Variants in PLEKHH2 observed in about 807,000 individuals in gnomAD.
The protein encoded by PLEKHH2 is pleckstrin homology, MyTH4 and FERM domain containing H2.
A neutral mutation model predicts 187.9 loss-of-function variants in PLEKHH2; 129 were observed. That is an observed-to-expected ratio of 0.69 (90% CI 0.59 to 0.79). The LOEUF (loss-of-function observed/expected upper bound fraction) is 0.79. Ranked by LOEUF, PLEKHH2 falls within the 30% of genes least tolerant of loss-of-function variation. PLEKHH2 has a pLI of 0.00. For missense variants in PLEKHH2, 2,076 were observed against 1,751.2 expected, an observed-to-expected ratio of 1.19 and a Z score of -3.31; for synonymous variants, 686 against 605.6, an observed-to-expected ratio of 1.13 and a Z score of -1.95.
At chr2:43,716,627 AAC>A (rs1670223426) in intron 15 of PLEKHH2, among the ~76,000 whole-genome samples, 1 of 152,200 alleles carries the variant, frequency 6.6e-6, no homozygotes, top group Admixed American at 6.5e-5. Flanking sequence ...GGTTTTTTCT[AAC>A]AGTTTATTAT....
intron 16 of PLEKHH2, among the ~76,000 whole-genome samples, chr2:43,722,097 A>C (rs1202294045): frequency 6.6e-6 from 1 of 151,796 alleles, no homozygotes; most frequent in Non-Finnish European, 1.5e-5. Flanking sequence ...ACTAAAAAAA[A>C]AAAAAAAAAT....
In PLEKHH2 at chr2:43,710,107, C is replaced by G. The variant is rs1416043811; in HGVS notation, c.2084C>G (p.Ser695Cys). ...EQKLPKTCSS[S>C]SDNGKNEPLE... is the part of the protein sequence containing the mutation. Reference sequence around the variant, plus strand: ...AAGCTCCCAAAAACTTGCTCATCTTCCAGTGATAATGGGAAAAATGTAAAT... The same window carrying G: ...AAGCTCCCAAAAACTTGCTCATCTTGCAGTGATAATGGGAAAAATGTAAAT... Residue 695 changes from serine (S) to cysteine (C), a missense_variant, in exon 12 of 30, where the codon TCC (serine) becomes TGC (cysteine). Physicochemically the swap from Ser to Cys is moderately radical, Grantham distance 112. Transcript: ENST00000282406. 3.7e-6 allele frequency: 6 copies of G among 1,612,936 alleles called. No homozygotes were observed. The highest frequency in any genetic ancestry group is 4.2e-6 in the Non-Finnish European group (5 of 1,179,694).
chr2:43,733,178 C>G (rs1572636294), intron 19 of PLEKHH2, among the ~76,000 whole-genome samples: 1 of 151,958 alleles, frequency 6.6e-6, no homozygotes, highest in Non-Finnish European at 1.5e-5. Flanking sequence ...CTGGCTAACA[C>G]CATGAAACCC....
At chr2:43,747,948 C>T (rs937887986) in intron 24 of PLEKHH2, among the ~76,000 whole-genome samples, 2 of 152,216 alleles carry the variant, frequency 1.3e-5, no homozygotes, top group African/African-American at 4.8e-5. Flanking sequence ...CAGAGTATTC[C>T]AGTATGTCAC....
chr2:43,667,376 G>C (rs554467754), intron 2 of PLEKHH2, among the ~76,000 whole-genome samples: 34 of 152,236 alleles, frequency 2.2e-4, no homozygotes, highest in African/African-American at 8.2e-4. Flanking sequence ...GAAAACAGTT[G>C]GGTAGTTCTT....
At chr2:43,699,536 C>G in intron 7 of PLEKHH2, 111 bp from the exon 8 acceptor site, 1 of 1,350,968 alleles carries the variant, frequency 7.4e-7, no homozygotes, top group African/African-American at 1.5e-5. Context: ...CACCACTGCA[C>G]CCAGCAAATT....
intron 3 of PLEKHH2, chr2:43,680,978 G>T (rs117853667): frequency 4.4e-6 from 5 of 1,149,404 alleles, no homozygotes; most frequent in Non-Finnish European, 6.0e-6. Context: ...TCTAGTTTCC[G>T]TTACTGTTGT....
intron 2 of PLEKHH2, among the ~76,000 whole-genome samples, chr2:43,652,550 T>C (rs62138783): frequency 0.18 from 26,958 of 152,142 alleles, 2,471 homozygotes; most frequent in Middle Eastern, 0.29. Flanking sequence ...CAGGAGGAGA[T>C]AGAAGTCTCT....
At chr2:43,670,623 A>AT (rs70965313) in intron 2 of PLEKHH2, among the ~76,000 whole-genome samples, 25 of 149,832 alleles carry the variant, frequency 1.7e-4, no homozygotes, top group South Asian at 6.3e-4. Context: ...GAATATTCTA[A>AT]TTTTTTTTTT....
At chr2:43,750,088 A>T (rs1454668952) in intron 24 of PLEKHH2, among the ~76,000 whole-genome samples, 2 of 152,138 alleles carry the variant, frequency 1.3e-5, no homozygotes, top group East Asian at 3.9e-4. Context: ...ACAAAAGAAA[A>T]CTGGCCATAG....
chr2:43,720,718 CATT>C lies in PLEKHH2; in HGVS notation c.2513_2515del (p.Leu838del), dbSNP rs756617155. On this transcript the variant is annotated inframe_deletion, in exon 16 of 30. Transcript: ENST00000282406. ...GTCTGGTGTACACTAATAGGAAAGACATTATATTATTTTCGGAGTCAAGAAGAT... is the reference window on the plus strand; with the variant it reads ...GTCTGGTGTACACTAATAGGAAAGACATATTATTTTCGGAGTCAAGAAGAT... The C allele has an allele frequency of 8.7e-6, 14 of 1,608,256 alleles. No homozygotes were observed. The highest frequency in any genetic ancestry group is 1.3e-5 in the African/African-American group (1 of 74,596).
intron 7 of PLEKHH2, among the ~76,000 whole-genome samples, chr2:43,697,954 T>G (rs1163270595): frequency 6.6e-6 from 1 of 152,006 alleles, no homozygotes; most frequent in Non-Finnish European, 1.5e-5. Context: ...TTGAAGTGCT[T>G]CTATCAAAAA....
intron 27 of PLEKHH2, among the ~76,000 whole-genome samples, chr2:43,761,203 A>G (rs1334416837): frequency 6.6e-6 from 1 of 152,126 alleles, no homozygotes; most frequent in Non-Finnish European, 1.5e-5. Context: ...CCAGTTTTAT[A>G]TCTATAGTCT....
At chr2:43,763,952 G>A (rs1259059156) in intron 28 of PLEKHH2, among the ~76,000 whole-genome samples, 2 of 151,778 alleles carry the variant, frequency 1.3e-5, no homozygotes, top group Admixed American at 1.3e-4. Context: ...ACTAGATGCT[G>A]GAATATAGAT....
intron 15 of PLEKHH2, 67 bp downstream of exon 15, chr2:43,712,450 T>C (rs1670014945): frequency 6.6e-7 from 1 of 1,526,612 alleles, no homozygotes; most frequent in African/African-American, 1.4e-5. Flanking sequence ...TCGCTGAAAA[T>C]GGGATGTCAG....
intron 2 of PLEKHH2, among the ~76,000 whole-genome samples, chr2:43,670,922 G>A (rs1290007903): frequency 6.6e-6 from 1 of 151,426 alleles, no homozygotes; most frequent in Non-Finnish European, 1.5e-5. Context: ...TGGTTTTGAT[G>A]CTTTTGTAAA....
intron 9 of PLEKHH2, among the ~76,000 whole-genome samples, chr2:43,704,916 A>AT (rs1302229395): frequency 6.6e-6 from 1 of 152,064 alleles, no homozygotes; most frequent in African/African-American, 2.4e-5. Context: ...TCTGATGTAT[A>AT]TTTTTTTACC....
intron 14 of PLEKHH2, chr2:43,711,570 C>G: frequency 1.0e-6 from 1 of 976,714 alleles, no homozygotes; most frequent in Non-Finnish European, 1.2e-6. Context: ...TTATTATAGT[C>G]TTTAATCATT....
intron 2 of PLEKHH2, among the ~76,000 whole-genome samples, chr2:43,667,408 A>C (rs1667269760): frequency 6.6e-6 from 1 of 152,230 alleles, no homozygotes; most frequent in African/African-American, 2.4e-5. Context: ...ATATAGAGTT[A>C]TTATATGACC....
Sources: gnomAD v4.1 joint callset for allele counts (sites outside exome capture counted in the v4.1 genomes callset) on GRCh38, gnomAD v4.1.1 for gene constraint, MANE v1.5 for transcripts, NCBI Gene and HGNC (gene_info 2026-07-23, HGNC 2026-07-21) for gene names.